The following KLHL6 variants were observed in gnomAD, a reference collection of about 807,000 sequenced individuals.
KLHL6 encodes the protein kelch-like protein 6.
In KLHL6, 41 loss-of-function variants were observed where a neutral mutation model predicts 58.6. The ratio of observed to expected loss-of-function variants is 0.70; its 90% confidence interval spans 0.55 to 0.91. KLHL6 has a LOEUF of 0.91. KLHL6 is among the 40% of genes least tolerant of loss of function. The probability of loss-of-function intolerance (pLI) is 0.00; values close to 1 mark genes in which losing one functional copy is unlikely to be tolerated. For synonymous variants in KLHL6, 338 were observed against 322.7 expected (o/e 1.05, Z -0.51); for missense variants, 714 against 805.6 (o/e 0.89, Z 1.38).
rs919130851 is a variant in KLHL6, at chr3:183,499,238, C to T, written c.1147+352G>A. ...GCACCTGATTGTAATCCCAGCTACTCGGGAGGGTGAGGCAGGAGGGTCACT... is the reference window on the plus strand; with the variant it reads ...GCACCTGATTGTAATCCCAGCTACTTGGGAGGGTGAGGCAGGAGGGTCACT... On this transcript the variant is annotated intron_variant, in intron 4 of 6. Transcript: ENST00000341319. The surrounding 1 kb of genome is among the most constrained non-coding windows in gnomAD (Gnocchi z 4.6). Among the ~76,000 whole-genome samples, 4 of 151,852 alleles carry T rather than the reference C, an allele frequency of 2.6e-5. No individual in the cohort carries two copies. Among genetic ancestry groups the T allele is most frequent in the Admixed American group, 6.6e-5 (1 of 15,232 alleles).
intron 1 of KLHL6, among the ~76,000 whole-genome samples, chr3:183,534,716 A>G: frequency 6.6e-6 from 1 of 152,082 alleles, no homozygotes; most frequent in East Asian, 1.9e-4. Context: ...ATTTTTAAAA[A>G]GTAAAAAGAA....
chr3:183,497,814 GC>G (rs1308464923), intron 4 of KLHL6, among the ~76,000 whole-genome samples: 5 of 152,200 alleles, frequency 3.3e-5, no homozygotes, highest in Admixed American at 1.3e-4. Context: ...ATTTGTAACA[GC>G]AGCTAAAATT....
At chr3:183,541,718 C>T (rs1712559764) in intron 1 of KLHL6, among the ~76,000 whole-genome samples, 1 of 152,122 alleles carries the variant, frequency 6.6e-6, no homozygotes, top group African/African-American at 2.4e-5. Context: ...CAAAGGAAGG[C>T]ACCCTAAAAG....
Position 183,526,167 on chromosome 3 carries a change from C to T in KLHL6, c.459+1678G>A, listed in dbSNP as rs775965659. Among the ~76,000 whole-genome samples the T allele has an allele frequency of 5.3e-5, 8 of 152,050 alleles. 1 individual carries two copies. Among genetic ancestry groups the T allele is most frequent in the African/African-American group, 9.7e-5 (4 of 41,398 alleles). On this transcript the variant is annotated intron_variant, in intron 2 of 6. Transcript: ENST00000341319. ...TACTAAAAATACAAAAAAAATTAGCCGGGCGTGGTGGCACATGCCTGTAAT... is the reference window on the plus strand; with the variant it reads ...TACTAAAAATACAAAAAAAATTAGCTGGGCGTGGTGGCACATGCCTGTAAT...
At position 183,551,414 on chromosome 3, in the gene KLHL6, C is replaced by A. The variant is rs77682032; in HGVS notation, c.293+3947G>T. Among the ~76,000 whole-genome samples, 100 of 152,130 alleles carry A rather than the reference C, an allele frequency of 6.6e-4. No homozygotes were observed. In the East Asian group the frequency reaches 0.015, roughly 23 times the overall value. On this transcript the variant is annotated intron_variant, in intron 1 of 6. Transcript: ENST00000341319. Reference sequence around the variant, plus strand: ...GGACCATATGAAAGATTTTTGTGAGCCTGTGAGCAAAAGACACCCCAAAAC... The same window carrying A: ...GGACCATATGAAAGATTTTTGTGAGACTGTGAGCAAAAGACACCCCAAAAC...
rs766026822 is a variant in KLHL6 at position 183,497,536 on chromosome 3, G to C, written c.1147+2054C>G. ...ATTTCCCAGGTCCCTGCACCCAGAGGGGGTGAGGGGAGGGTAAGGGAGGTC... is the reference window on the plus strand; with the variant it reads ...ATTTCCCAGGTCCCTGCACCCAGAGCGGGTGAGGGGAGGGTAAGGGAGGTC... On this transcript the variant is annotated intron_variant, in intron 4 of 6. Transcript: ENST00000341319. Among the ~76,000 whole-genome samples the C allele has an allele frequency of 4.9e-4, 74 of 152,358 alleles. 2 individuals carry two copies. Among genetic ancestry groups the C allele is most frequent in the South Asian group, 8.3e-4 (4 of 4,826 alleles).
intron 1 of KLHL6, among the ~76,000 whole-genome samples, chr3:183,533,635 A>G (rs1577197562): frequency 6.6e-6 from 1 of 152,136 alleles, no homozygotes; most frequent in African/African-American, 2.4e-5. Flanking sequence ...ATGGCTTCCC[A>G]GAAACATTCA....
chr3:183,506,897 G>A (rs1199038745), intron 3 of KLHL6, among the ~76,000 whole-genome samples: 2 of 151,912 alleles, frequency 1.3e-5, no homozygotes, highest in Admixed American at 6.6e-5. Flanking sequence ...TCTGGAGAAA[G>A]TGATGCTTGG....
At chr3:183,529,429 G>C (rs1453407045) in intron 1 of KLHL6, among the ~76,000 whole-genome samples, 1 of 152,020 alleles carries the variant, frequency 6.6e-6, no homozygotes, top group Non-Finnish European at 1.5e-5. Context: ...CAGGGAATGT[G>C]TGAGCAATTT....
chr3:183,555,587 G>T lies in KLHL6; in HGVS notation c.67C>A (p.Pro23Thr). 1 of 1,613,990 alleles carries T rather than the reference G, an allele frequency of 6.2e-7. No individual in the cohort carries two copies. The highest frequency in any genetic ancestry group is 8.5e-7 in the Non-Finnish European group (1 of 1,179,970). ...GGCTCATCTGTAGAAGGTGCCAGGG[G>T]CCCTTCCAAACTCTTCTCGACCACA... is the stretch of plus-strand genomic sequence containing the variant. ...GDVVEKSLEG[P>T]LAPSTDEPSQ... is the part of the protein sequence containing the mutation. Residue 23 changes from proline (P) to threonine (T), a missense_variant, in exon 1 of 7, where the codon CCC becomes ACC. Transcript: ENST00000341319.
chr3:183,539,580 G>A (rs1304530922), intron 1 of KLHL6, among the ~76,000 whole-genome samples: 1 of 151,928 alleles, frequency 6.6e-6, no homozygotes. Context: ...GTGGTGGCGG[G>A]TGCCTGTAAT....
In KLHL6 at chr3:183,527,994, C is replaced by T. The variant is rs541580197; in HGVS notation, c.310G>A (p.Asp104Asn). ...CTTTTCTCATACTTTTCCTTTAAAT[C>T]GTTGCAGAACATGGCCCTGGAAGAG... ...SNYFRAMFCN[D>N]LKEKYEKRII... Residue 104 changes from aspartate (D) to asparagine (N), a missense_variant, in exon 2 of 7, where the codon GAT becomes AAT. Around this residue, in one of 2 missense-constraint regions of KLHL6, gnomAD observed 204 missense variants for 175.9 expected, o/e 1.16. Transcript: ENST00000341319. The T allele has an allele frequency of 8.7e-6, 14 of 1,614,042 alleles. No homozygotes were observed. Among genetic ancestry groups the T allele is most frequent in the South Asian group, 7.7e-5 (7 of 91,068 alleles).
intron 1 of KLHL6, among the ~76,000 whole-genome samples, chr3:183,536,666 C>A (rs1254547748): frequency 6.6e-6 from 1 of 152,198 alleles, no homozygotes; most frequent in East Asian, 1.9e-4. Context: ...TAGCACGATA[C>A]CTGGCACCTC....
At position 183,499,747 on chromosome 3, in the gene KLHL6, A is replaced by C; in HGVS notation, c.990T>G (p.Asp330Glu). 6.2e-7 allele frequency: 1 copy of C among 1,610,342 alleles called. No homozygotes were observed. Among genetic ancestry groups the C allele is most frequent in the South Asian group, 1.1e-5 (1 of 89,814 alleles). Residue 330 changes from aspartate (D) to glutamate (E), a missense_variant, in exon 4 of 7, where the codon GAT (aspartate) becomes GAG (glutamate). By Grantham distance (45) the Asp-to-Glu change is conservative. Coordinates refer to ENST00000341319, the MANE Select transcript of KLHL6 (RefSeq NM_130446.4). This position sits in a 1 kb window ranked among gnomAD's most constrained non-coding sequence, Gnocchi z 4.6. ...AGGTCACCTCTGCCACAAACCGTTC[A>C]TCCTTCGTGCAGCCGCCAATGATCA... is the stretch of plus-strand genomic sequence containing the variant. ...VFMIIGGCTK[D>E]ERFVAEVTCL... is the part of the protein sequence containing the mutation.
chr3:183,488,611 C>T lies in KLHL6; in HGVS notation c.*3316G>A, dbSNP rs994402343. 12 of 152,394 alleles carry T rather than the reference C, an allele frequency of 7.9e-5. No homozygotes were observed. The highest frequency in any genetic ancestry group is 1.6e-4 in the Non-Finnish European group (11 of 68,196). 9.4% of individuals were successfully genotyped at this position (152,394 alleles called of 1,614,324 possible). A position where few individuals can be genotyped will look rare whatever the true frequency, so the allele number is the denominator to read the frequency against. On this transcript the variant is annotated 3_prime_UTR_variant, in exon 7 of 7. Coordinates refer to ENST00000341319, the MANE Select transcript of KLHL6 (RefSeq NM_130446.4). ...CATGTCCTGCCTGAGTCCGAGGGTT[C>T]TTTGTCTCTGGGTTTATTCTCAGCT...
At chr3:183,534,944 A>ATTT (rs1443620974) in intron 1 of KLHL6, among the ~76,000 whole-genome samples, 14 of 113,262 alleles carry the variant, frequency 1.2e-4, no homozygotes, top group African/African-American at 5.4e-4. Flanking sequence ...ATATATATAT[A>ATTT]TATATATTTT....
chr3:183,527,796 T>C (rs763322290), intron 2 of KLHL6, 49 bp downstream of exon 2: 8 of 1,589,762 alleles, frequency 5.0e-6, no homozygotes, highest in Non-Finnish European at 6.0e-6. Context: ...GGAGAATTAC[T>C]GCATTCACCT....
chr3:183,504,646 T>G (rs1717953832), intron 3 of KLHL6, among the ~76,000 whole-genome samples: 1 of 152,166 alleles, frequency 6.6e-6, no homozygotes, highest in Non-Finnish European at 1.5e-5. Context: ...GCAAAAATAT[T>G]GGAAGTATAG....
intron 4 of KLHL6, among the ~76,000 whole-genome samples, chr3:183,497,302 C>T (rs1315052955): frequency 6.6e-6 from 1 of 152,228 alleles, no homozygotes; most frequent in African/African-American, 2.4e-5. Flanking sequence ...GTCCCAGCTA[C>T]TCAGGAGGCT....
Sources: gnomAD v4.1 joint callset for allele counts (sites outside exome capture counted in the v4.1 genomes callset) on GRCh38, gnomAD v4.1.1 for gene constraint, gnomAD v4.1.1 regional missense constraint, Gnocchi (gnomAD v3.1) non-coding constraint, MANE v1.5 for transcripts, NCBI Gene and HGNC (gene_info 2026-07-23, HGNC 2026-07-21) for gene names.